The following NAXD variants were observed in gnomAD, a reference collection of about 807,000 sequenced individuals.
NAXD encodes the protein NAD(P)HX dehydratase.
In NAXD, 22 loss-of-function variants were observed where a neutral mutation model predicts 35.8. That is an observed-to-expected ratio of 0.62 (90% CI 0.44 to 0.88). The LOEUF (loss-of-function observed/expected upper bound fraction) is 0.88, where lower values mean the gene tolerates loss of function less well. NAXD is among the 40% of genes least tolerant of loss of function. The pLI is 0.00. For synonymous variants in NAXD, 189 were observed against 177.6 expected, an observed-to-expected ratio of 1.06 and a Z score of -0.51; for missense variants, 428 against 437.7, an observed-to-expected ratio of 0.98 and a Z score of 0.20.
At chr13:110,615,827 G>C (rs1402461179) in intron 1 of NAXD, 180 bp downstream of exon 1, 3 of 1,279,520 alleles carry the variant, frequency 2.3e-6, no homozygotes, top group Non-Finnish European at 3.0e-6. Flanking sequence ...GCGCCGCCGA[G>C]GGGCAGCCCG....
chr13:110,617,395 C>T (rs565090472), intron 1 of NAXD, among the ~76,000 whole-genome samples: 18 of 152,158 alleles, frequency 1.2e-4, no homozygotes, highest in Admixed American at 4.6e-4. Context: ...TCTTAAGTCG[C>T]CTATTGTCAA....
At chr13:110,620,703 A>G (rs1269543452) in intron 1 of NAXD, among the ~76,000 whole-genome samples, 1 of 152,222 alleles carries the variant, frequency 6.6e-6, no homozygotes, top group African/African-American at 2.4e-5. Context: ...AATTCCTTCA[A>G]AAGTTTTGTT....
At chr13:110,636,707 C>G (rs967892966) in intron 8 of NAXD, among the ~76,000 whole-genome samples, 2 of 152,192 alleles carry the variant, frequency 1.3e-5, no homozygotes, top group Non-Finnish European at 2.9e-5. Context: ...TCGGTGTTGC[C>G]CTGTATGGTT....
chr13:110,621,306 T>G (rs1337046720), intron 1 of NAXD, among the ~76,000 whole-genome samples: 1 of 152,230 alleles, frequency 6.6e-6, no homozygotes, highest in African/African-American at 2.4e-5. Flanking sequence ...GATAGTTTAT[T>G]AAGTAATAAT....
At chr13:110,631,965 C>T (rs1334585238) in intron 5 of NAXD, among the ~76,000 whole-genome samples, 3 of 152,204 alleles carry the variant, frequency 2.0e-5, no homozygotes, top group Non-Finnish European at 4.4e-5. Flanking sequence ...ATATACACGG[C>T]TTTAGTTTTC....
At chr13:110,621,417 C>G (rs965477154) in intron 1 of NAXD, among the ~76,000 whole-genome samples, 3 of 152,186 alleles carry the variant, frequency 2.0e-5, no homozygotes, top group Admixed American at 6.5e-5. Context: ...ATATGTTGTC[C>G]TGGTGGGGTG....
At chr13:110,633,018 G>A (rs1386613923) in intron 5 of NAXD, among the ~76,000 whole-genome samples, 7 of 152,206 alleles carry the variant, frequency 4.6e-5, no homozygotes, top group South Asian at 2.1e-4. Flanking sequence ...CCAGTCCTGC[G>A]CCGTGCGTTC....
rs371024440 is a variant in NAXD, at chr13:110,620,040, C to T, written c.47-2176C>T. Among the ~76,000 whole-genome samples the T allele has an allele frequency of 3.3e-5, 5 of 152,026 alleles. No individual in the cohort carries two copies. The East Asian group carries it at 9.8e-4, about 30-fold the overall frequency. The stretch of plus-strand genomic sequence containing the variant: ...TCTCGAACTCCTGACCTCAAGTGAT[C>T]CACCCACCTTGGCCTCCCAAAGTGC... On this transcript the variant is annotated intron_variant, in intron 1 of 9. Transcript: ENST00000680254.
At chr13:110,623,035 A>G (rs1281945532) in intron 2 of NAXD, among the ~76,000 whole-genome samples, 3 of 151,976 alleles carry the variant, frequency 2.0e-5, no homozygotes, top group Non-Finnish European at 2.9e-5. Flanking sequence ...TTGTCCCCCC[A>G]TTGCGTTAGT....
intron 4 of NAXD, among the ~76,000 whole-genome samples, chr13:110,626,480 G>A (rs1886487660): frequency 1.3e-5 from 2 of 151,828 alleles, no homozygotes; most frequent in South Asian, 2.1e-4. Context: ...ATTGGACAGT[G>A]GGGACACGGG....
intron 2 of NAXD, 130 bp downstream of exon 2, chr13:110,622,496 G>A: frequency 1.2e-6 from 1 of 824,858 alleles, no homozygotes; most frequent in Non-Finnish European, 1.9e-6. Flanking sequence ...AGGACACTCA[G>A]TATTTTTCAG....
intron 5 of NAXD, among the ~76,000 whole-genome samples, chr13:110,630,178 A>C (rs1326776686): frequency 1.3e-5 from 2 of 151,960 alleles, no homozygotes; most frequent in African/African-American, 4.8e-5. Context: ...ACAGGCGCCC[A>C]CCATCACACC....
At chr13:110,630,511 G>C (rs1886660856) in intron 5 of NAXD, among the ~76,000 whole-genome samples, 1 of 152,134 alleles carries the variant, frequency 6.6e-6, no homozygotes, top group Non-Finnish European at 1.5e-5. Context: ...CACTTCGATG[G>C]TTTTGTTTAC....
intron 7 of NAXD, 79 bp downstream of exon 7, chr13:110,634,855 T>C: frequency 9.4e-7 from 1 of 1,065,460 alleles, no homozygotes; most frequent in East Asian, 2.6e-5. Flanking sequence ...TCCATGCTTC[T>C]GCCCAGCCTG....
chr13:110,638,338 GC>G lies in NAXD; in HGVS notation c.840-37del, dbSNP rs1566624436. ...GTAGCTGCGGCCCCCGGACCACGAC[GC>G]CCACTTCCCCACACCTCCTGCTGTC... On this transcript the variant is annotated intron_variant, in intron 9 of 9. Coordinates refer to ENST00000680254, the MANE Select transcript of NAXD (RefSeq NM_001242882.2). The surrounding 1 kb of genome is among the most constrained non-coding windows in gnomAD (Gnocchi z 5.4). 1.9e-6 allele frequency: 3 copies of G among 1,613,620 alleles called. No homozygotes were observed. The East Asian group carries it at 6.7e-5, about 36-fold the overall frequency.
At chr13:110,624,410 AC>A in intron 3 of NAXD, 131 bp downstream of exon 3, 1 of 647,600 alleles carries the variant, frequency 1.5e-6, no homozygotes, top group African/African-American at 1.8e-5. Context: ...TAATAGAAAC[AC>A]CGTTAAGTCT....
chr13:110,633,308 TG>T (rs1886790053), intron 5 of NAXD, among the ~76,000 whole-genome samples: 1 of 152,148 alleles, frequency 6.6e-6, no homozygotes, highest in African/African-American at 2.4e-5. Flanking sequence ...CCAGCAGGGC[TG>T]GCCGGCTGCT....
In NAXD at chr13:110,637,172, G is replaced by C; in HGVS notation, c.762G>C (p.Gly254=). ...SQEGSSRRCG[G]QGDLLSGSLG... is the part of the protein sequence containing the mutation. ...AAGGCAGCAGCCGCAGGTGTGGAGGGCAAGGGGACCTCCTGTCGGGCTCCC... is the reference window on the plus strand; with the variant it reads ...AAGGCAGCAGCCGCAGGTGTGGAGGCCAAGGGGACCTCCTGTCGGGCTCCC... Residue 254 remains glycine (G), a synonymous_variant, in exon 9 of 10, where the codon GGG becomes GGC. Transcript: ENST00000680254. The C allele has an allele frequency of 6.2e-7, 1 of 1,613,898 alleles. No homozygotes were observed. The highest frequency in any genetic ancestry group is 8.5e-7 in the Non-Finnish European group (1 of 1,179,858).
Position 110,638,374 on chromosome 13 carries a change from G to GC in NAXD, c.840-3dup, listed in dbSNP as rs1887018410. 6.2e-7 allele frequency: 1 copy of GC among 1,613,672 alleles called. No individual in the cohort carries two copies. The highest frequency in any genetic ancestry group is 8.5e-7 in the Non-Finnish European group (1 of 1,179,990). Reference sequence around the variant, plus strand: ...CACACCTCCTGCTGTCCCCCTCTCCGCAGGTCCAGCCCTCTCCTGGTGGCC... The same window carrying GC: ...CACACCTCCTGCTGTCCCCCTCTCCGCCAGGTCCAGCCCTCTCCTGGTGGCC... On this transcript the variant is annotated splice_region_variant and splice_polypyrimidine_tract_variant and intron_variant, in intron 9 of 9. Transcript: ENST00000680254. This position sits in a 1 kb window ranked among gnomAD's most constrained non-coding sequence, Gnocchi z 5.4.
Sources: gnomAD v4.1 joint callset for allele counts (sites outside exome capture counted in the v4.1 genomes callset) on GRCh38, gnomAD v4.1.1 for gene constraint, Gnocchi (gnomAD v3.1) non-coding constraint, MANE v1.5 for transcripts, NCBI Gene and HGNC (gene_info 2026-07-23, HGNC 2026-07-21) for gene names.